GCNT1: variants seen among roughly 807,000 people sequenced by gnomAD.
GCNT1 encodes beta-1,3-galactosyl-O-glycosyl-glycoprotein beta-1,6-N-acetylglucosaminyltransferase.
A neutral mutation model predicts 26.2 loss-of-function variants in GCNT1; 16 were observed. The ratio of observed to expected loss-of-function variants is 0.61; its 90% CI spans 0.41 to 0.93. The LOEUF (loss-of-function observed/expected upper bound fraction) is 0.93, where lower values mean the gene tolerates loss of function less well. Among genes scored for constraint, GCNT1 ranks in the 40% least tolerant of loss-of-function variants. The probability of loss-of-function intolerance (pLI) is 0.00; values close to 1 mark genes in which losing one functional copy is unlikely to be tolerated. For synonymous variants in GCNT1, 183 were observed against 190.8 expected (o/e 0.96, Z 0.34); for missense variants, 477 against 526.7 (o/e 0.91, Z 0.92).
At chr9:76,465,365 C>G (rs1223608342) in intron 2 of GCNT1, among the ~76,000 whole-genome samples, 3 of 152,124 alleles carry the variant, frequency 2.0e-5, no homozygotes, top group African/African-American at 7.2e-5. Flanking sequence ...CTCAAGTGAT[C>G]CTCTCACCTC....
intron 2 of GCNT1, among the ~76,000 whole-genome samples, chr9:76,471,847 A>T (rs1340618309): frequency 1.3e-5 from 2 of 151,626 alleles, no homozygotes; most frequent in Non-Finnish European, 2.9e-5. Context: ...TAAGATGTAA[A>T]TTTTTTTTTC....
At chr9:76,479,067 C>T (rs1028603750) in intron 2 of GCNT1, among the ~76,000 whole-genome samples, 2 of 151,582 alleles carry the variant, frequency 1.3e-5, no homozygotes, top group Admixed American at 6.6e-5. Flanking sequence ...TCCAAGTGTT[C>T]TCATTGCTCA....
chr9:76,439,223 C>CTTTTTTTTTTTTTTTTTTT (rs71499153), upstream of GCNT1, among the ~76,000 whole-genome samples: 1 of 120,128 alleles, frequency 8.3e-6, no homozygotes, highest in Non-Finnish European at 1.7e-5. Context: ...TTTTCTTTTT[C>CTTTTTTTTTTTTTTTTTTT]TTTTTTTTTT....
intron 1 of GCNT1, among the ~76,000 whole-genome samples, chr9:76,422,244 G>C (rs1483025783): frequency 6.6e-6 from 1 of 151,876 alleles, no homozygotes; most frequent in African/African-American, 2.4e-5. Context: ...AATATGAGTG[G>C]GAACACAGCC....
chr9:76,497,385 A>AT (rs1182207740), intron 2 of GCNT1, among the ~76,000 whole-genome samples: 1 of 152,218 alleles, frequency 6.6e-6, no homozygotes, highest in Non-Finnish European at 1.5e-5. Flanking sequence ...AAAACGTTGT[A>AT]TGTCTTGAAA....
the GCNT1 span, among the ~76,000 whole-genome samples, chr9:76,402,070 C>T: frequency 3.9e-5 from 6 of 152,174 alleles, no homozygotes; most frequent in Non-Finnish European, 8.8e-5. Flanking sequence ...CAGATGAGGG[C>T]TACAGTTGTC....
At chr9:76,447,858 G>A (rs777654205) in intron 1 of GCNT1, among the ~76,000 whole-genome samples, 10 of 152,124 alleles carry the variant, frequency 6.6e-5, no homozygotes, top group East Asian at 3.8e-4. Flanking sequence ...TGTCCAGTAC[G>A]CCCTGACCCT....
At chr9:76,498,735 T>C (rs1824976821) in intron 2 of GCNT1, among the ~76,000 whole-genome samples, 2 of 144,780 alleles carry the variant, frequency 1.4e-5, no homozygotes, top group Admixed American at 1.4e-4. Context: ...ATCGCAGCAC[T>C]GCACTCCAGC....
intron 2 of GCNT1, among the ~76,000 whole-genome samples, chr9:76,481,880 C>A (rs1020683770): frequency 6.6e-6 from 1 of 152,070 alleles, no homozygotes; most frequent in Non-Finnish European, 1.5e-5. Context: ...GCCTTAATTC[C>A]CACAGGGCAG....
chr9:76,498,077 A>G (rs1824959559), intron 2 of GCNT1, among the ~76,000 whole-genome samples: 1 of 152,190 alleles, frequency 6.6e-6, no homozygotes. Flanking sequence ...ATATAAACAG[A>G]ATTATAAATG....
intron 2 of GCNT1, among the ~76,000 whole-genome samples, chr9:76,479,396 A>T (rs1192772876): frequency 1.3e-5 from 2 of 152,212 alleles, no homozygotes; most frequent in Non-Finnish European, 2.9e-5. Flanking sequence ...TGGCTGGGTC[A>T]AGTGGTATTT....
chr9:76,506,863 G>A lies in GCNT1; in HGVS notation c.*3195G>A, dbSNP rs893286404. On this transcript the variant is annotated 3_prime_UTR_variant, in exon 4 of 4. Transcript: ENST00000376730. ...ATGTTTCAGTTCGTTTTCTCTGTAG[G>A]GTCGATTGAATTGGACCTTTTCAGT... is the stretch of plus-strand genomic sequence containing the variant. 1.2e-5 allele frequency: 2 copies of A among 166,602 alleles called. No homozygotes were observed. The highest frequency in any genetic ancestry group is 4.8e-5 in the African/African-American group (2 of 41,322). The allele number at this position is 166,602 out of a possible 1,614,324, so 10.3% of individuals were successfully genotyped here. A position where few individuals can be genotyped will look rare whatever the true frequency, so the allele number is the denominator to read the frequency against.
intron 2 of GCNT1, among the ~76,000 whole-genome samples, chr9:76,479,187 T>C (rs1461598294): frequency 2.0e-5 from 3 of 152,254 alleles, no homozygotes; most frequent in Non-Finnish European, 2.9e-5. Context: ...GGACATGAAC[T>C]CATCCTTTTT....
intron 2 of GCNT1, among the ~76,000 whole-genome samples, chr9:76,485,220 T>C (rs1315372304): frequency 6.6e-6 from 1 of 152,254 alleles, no homozygotes; most frequent in Non-Finnish European, 1.5e-5. Flanking sequence ...TCACCCAGGC[T>C]GGAGTGCAGT....
chr9:76,428,292 T>TAAAAAA (rs1279001629), intron 1 of GCNT1, among the ~76,000 whole-genome samples: 23 of 85,906 alleles, frequency 2.7e-4, no homozygotes, highest in South Asian at 7.8e-4. Flanking sequence ...AAAAAAAACT[T>TAAAAAA]AAAAAAAAAA....
chr9:76,431,447 A>G (rs1338379232), intron 1 of GCNT1, among the ~76,000 whole-genome samples: 1 of 152,200 alleles, frequency 6.6e-6, no homozygotes, highest in African/African-American at 2.4e-5. Context: ...TTTTATTATA[A>G]AAGTTACGCA....
the GCNT1 span, among the ~76,000 whole-genome samples, chr9:76,398,094 G>C: frequency 6.6e-6 from 1 of 152,250 alleles, no homozygotes; most frequent in African/African-American, 2.4e-5. Flanking sequence ...TCAGCTGCCT[G>C]TAGGGAAAGA....
chr9:76,449,359 G>T (rs1823627897), intron 1 of GCNT1, among the ~76,000 whole-genome samples: 1 of 151,678 alleles, frequency 6.6e-6, no homozygotes, highest in African/African-American at 2.4e-5. Flanking sequence ...AAGTAAAAAA[G>T]AATGTGCCAC....
intron 1 of GCNT1, among the ~76,000 whole-genome samples, chr9:76,424,052 G>A (rs1564219068): frequency 6.6e-6 from 1 of 152,330 alleles, no homozygotes; most frequent in Middle Eastern, 3.4e-3. Flanking sequence ...TGTAGCAATT[G>A]ACTGTGTAAA....
Sources: gnomAD v4.1 joint callset for allele counts (sites outside exome capture counted in the v4.1 genomes callset) on GRCh38, gnomAD v4.1.1 for gene constraint, MANE v1.5 for transcripts, NCBI Gene and HGNC (gene_info 2026-07-23, HGNC 2026-07-21) for gene names.